The following PDGFD variants were observed in gnomAD, a reference collection of about 807,000 sequenced individuals.
PDGFD encodes the protein platelet derived growth factor D.
PDGFD carries 30 observed loss-of-function variants against 44.7 expected under a neutral mutation model. The observed-to-expected ratio is 0.67, with a 90% CI of 0.50 to 0.91. The LOEUF is 0.91. PDGFD is among the 40% of genes least tolerant of loss of function. The pLI is 0.00. For synonymous variants in PDGFD, 173 were observed against 168.4 expected (o/e 1.03, Z -0.21); for missense variants, 445 against 457.8 (o/e 0.97, Z 0.25).
At chr11:103,976,779 G>A (rs1275663173) in intron 3 of PDGFD, among the ~76,000 whole-genome samples, 1 of 151,966 alleles carries the variant, frequency 6.6e-6, no homozygotes, top group African/African-American at 2.4e-5. Flanking sequence ...TTTATCAAAG[G>A]CCTTTTCGGC....
At chr11:103,934,353 G>A (rs2134315982) in intron 5 of PDGFD, among the ~76,000 whole-genome samples, 1 of 152,280 alleles carries the variant, frequency 6.6e-6, no homozygotes, top group South Asian at 2.1e-4. Flanking sequence ...AAAACTAGAA[G>A]GAGCTGAGAT....
rs1858328055 is a variant in PDGFD, at chr11:103,927,140, C to T, written c.773-14G>A. ...TATCCAGGTCAACTGTAAGCAAATA[C>T]ATGCACTGTGTAAGCAAACACAACA... On this transcript the variant is annotated splice_polypyrimidine_tract_variant and intron_variant, in intron 5 of 6. Transcript: ENST00000393158. The T allele has an allele frequency of 1.2e-6, 2 of 1,609,366 alleles. No homozygotes were observed. The highest frequency in any genetic ancestry group is 2.7e-5 in the African/African-American group (2 of 74,936).
At chr11:104,034,379 A>T (rs1362700622) in intron 1 of PDGFD, among the ~76,000 whole-genome samples, 1 of 152,214 alleles carries the variant, frequency 6.6e-6, no homozygotes, top group African/African-American at 2.4e-5. Context: ...GAGTATAGAA[A>T]CATTATGATA....
intron 1 of PDGFD, among the ~76,000 whole-genome samples, chr11:104,098,793 A>G (rs1861323335): frequency 6.6e-6 from 1 of 152,120 alleles, no homozygotes; most frequent in Non-Finnish European, 1.5e-5. Flanking sequence ...GAGTCACTAC[A>G]TCTAGCCTCT....
At chr11:103,967,223 G>A (rs1859033939) in intron 3 of PDGFD, among the ~76,000 whole-genome samples, 1 of 152,116 alleles carries the variant, frequency 6.6e-6, no homozygotes, top group African/African-American at 2.4e-5. Flanking sequence ...TTTTCACTCT[G>A]TATATTGCTT....
intron 1 of PDGFD, among the ~76,000 whole-genome samples, chr11:104,010,954 T>G (rs541285910): frequency 7.9e-5 from 12 of 152,112 alleles, no homozygotes; most frequent in Non-Finnish European, 1.3e-4. Flanking sequence ...CTTTAACCAC[T>G]GCCAACATAG....
chr11:104,127,065 G>T (rs1163791383), intron 1 of PDGFD, among the ~76,000 whole-genome samples: 1 of 152,016 alleles, frequency 6.6e-6, no homozygotes, highest in African/African-American at 2.4e-5. Flanking sequence ...CACTAGCTCG[G>T]CTTTTTCCTG....
intron 1 of PDGFD, among the ~76,000 whole-genome samples, chr11:104,061,109 C>T (rs1860709050): frequency 6.6e-6 from 1 of 152,104 alleles, no homozygotes; most frequent in East Asian, 1.9e-4. Context: ...AAGGTTTATA[C>T]ATGTTGAAGC....
At chr11:103,985,734 G>C (rs147257735) in intron 3 of PDGFD, among the ~76,000 whole-genome samples, 129 of 152,256 alleles carry the variant, frequency 8.5e-4, no homozygotes, top group Middle Eastern at 6.8e-3. Flanking sequence ...AAGACTCTCA[G>C]TATCAGAGTG....
At chr11:103,925,477 CCT>C (rs1483068232) in intron 6 of PDGFD, among the ~76,000 whole-genome samples, 1 of 151,606 alleles carries the variant, frequency 6.6e-6, no homozygotes, top group Non-Finnish European at 1.5e-5. Context: ...TTTATTTGAC[CCT>C]CAGAGCAACT....
intron 1 of PDGFD, among the ~76,000 whole-genome samples, chr11:104,012,664 G>C (rs1859800689): frequency 6.6e-6 from 1 of 152,196 alleles, no homozygotes; most frequent in Non-Finnish European, 1.5e-5. Flanking sequence ...CATTAGTTAG[G>C]AAAGGACAGA....
At chr11:104,031,290 TA>T (rs1860121176) in intron 1 of PDGFD, among the ~76,000 whole-genome samples, 1 of 152,026 alleles carries the variant, frequency 6.6e-6, no homozygotes, top group South Asian at 2.1e-4. Context: ...TAAACACCTT[TA>T]CAAGAAAAAA....
intron 5 of PDGFD, among the ~76,000 whole-genome samples, chr11:103,934,994 A>C (rs1312387934): frequency 1.3e-5 from 2 of 152,202 alleles, no homozygotes; most frequent in Non-Finnish European, 2.9e-5. Flanking sequence ...ACAATCCCAT[A>C]ATAATTTTCC....
At chr11:104,044,249 T>A (rs577614450) in intron 1 of PDGFD, among the ~76,000 whole-genome samples, 1 of 152,324 alleles carries the variant, frequency 6.6e-6, no homozygotes, top group East Asian at 1.9e-4. Context: ...TCTGAAGTAG[T>A]CATAATCTTA....
Position 103,984,975 on chromosome 11 carries a change from AAT to A in PDGFD, c.510+11088_510+11089del, listed in dbSNP as rs1454910331. The stretch of plus-strand genomic sequence containing the variant: ...TTATTTAATATAGTTATATTTATTT[AAT>A]ATATAACATATTAATTTAATATGTT... On this transcript the variant is annotated intron_variant, in intron 3 of 6. Coordinates refer to ENST00000393158, the MANE Select transcript of PDGFD (RefSeq NM_025208.5). 4.1e-5 allele frequency among the ~76,000 whole-genome samples: 5 copies of A among 122,860 alleles called. 1 individual carries two copies. Among genetic ancestry groups the A allele is most frequent in the Admixed American group, 4.0e-4 (4 of 10,082 alleles). 80.6% of individuals were successfully genotyped at this position (122,860 alleles called of 152,430 possible). A position where few individuals can be genotyped will look rare whatever the true frequency, so the allele number is the denominator to read the frequency against.
chr11:103,923,240 G>A (rs905703054), intron 6 of PDGFD, among the ~76,000 whole-genome samples: 5 of 152,042 alleles, frequency 3.3e-5, no homozygotes, highest in Non-Finnish European at 7.4e-5. Context: ...TGATTGTTTA[G>A]AAAGAGGAAA....
At position 103,988,414 on chromosome 11, in the gene PDGFD, G is replaced by A. The variant is rs116489164; in HGVS notation, c.510+7651C>T. Among the ~76,000 whole-genome samples, 771 of 151,796 alleles carry A rather than the reference G, an allele frequency of 5.1e-3. 4 individuals are homozygous for A. Among genetic ancestry groups the A allele is most frequent in the African/African-American group, 0.018 (729 of 41,424 alleles). On this transcript the variant is annotated intron_variant, in intron 3 of 6. Transcript: ENST00000393158. ...TGGAAATGTGTTTACTCAGCACATC[G>A]GGGAGTCATCTGCTCATATGATCAG...
chr11:103,982,160 C>A (rs2134352132), intron 3 of PDGFD, among the ~76,000 whole-genome samples: 1 of 151,836 alleles, frequency 6.6e-6, no homozygotes, highest in Non-Finnish European at 1.5e-5. Context: ...CCTTGGTATG[C>A]TGGTATGATT....
chr11:104,105,564 A>C (rs80218676), intron 1 of PDGFD, among the ~76,000 whole-genome samples: 3 of 151,828 alleles, frequency 2.0e-5, no homozygotes, highest in Non-Finnish European at 4.4e-5. Context: ...TATTTAAACC[A>C]CCTGGTTGTA....
Sources: allele counts gnomAD v4.1 joint callset (sites outside exome capture counted in the v4.1 genomes callset), GRCh38; gene constraint gnomAD v4.1.1; transcripts MANE v1.5; gene names NCBI Gene and HGNC (gene_info 2026-07-23, HGNC 2026-07-21).